The following CSMD1 variants were observed in gnomAD, a reference collection of about 807,000 sequenced individuals.
The protein encoded by CSMD1 is CUB and Sushi multiple domains 1, also known as CUB and sushi domain-containing protein 1.
CSMD1 carries 213 observed loss-of-function variants against 417.5 expected under a neutral mutation model. The observed-to-expected ratio is 0.51, with a 90% CI of 0.46 to 0.57. The LOEUF (loss-of-function observed/expected upper bound fraction) is 0.57. Ranked by LOEUF, CSMD1 falls within the 20% of genes least tolerant of loss-of-function variation. CSMD1 has a pLI of 0.00. For missense variants in CSMD1, 6,923 were observed against 4,529.7 expected (o/e 1.53, Z -15.17); for synonymous variants, 2,862 against 1,736.8 (o/e 1.65, Z -16.11).
At chr8:4,562,296 G>C (rs1050623912) in intron 2 of CSMD1, among the ~76,000 whole-genome samples, 1 of 152,214 alleles carries the variant, frequency 6.6e-6, no homozygotes, top group Non-Finnish European at 1.5e-5. Flanking sequence ...ACCTGCTGGA[G>C]TGGAGGACTC....
Position 3,219,277 on chromosome 8 carries a change from T to G in CSMD1, c.4650A>C (p.Ser1550=), listed in dbSNP as rs1189211134. The part of the protein sequence containing the change: ...AFRSDASVGL[S]GFAIEFKEKP... ...TACCTTTAAATTCAATGGCGAACCC[T>G]GAAAGGCCCACGGAGGCATCACTCC... The change falls in exon 29 of 70, where the codon TCA becomes TCC. Residue 1550 remains serine, a synonymous_variant. Transcript: ENST00000635120. 1 of 1,594,400 alleles carries G rather than the reference T, an allele frequency of 6.3e-7. No homozygotes were observed. The highest frequency in any genetic ancestry group is 1.3e-5 in the African/African-American group (1 of 74,606).
chr8:3,985,932 A>AT (rs1340455940), intron 5 of CSMD1, among the ~76,000 whole-genome samples: 1 of 102,574 alleles, frequency 9.7e-6, no homozygotes, highest in Non-Finnish European at 2.1e-5. Context: ...TGCATAACTC[A>AT]ATTTTTTTTT....
intron 40 of CSMD1, among the ~76,000 whole-genome samples, chr8:3,144,075 C>T (rs77230937): frequency 0.033 from 4,995 of 152,198 alleles, 283 homozygotes; most frequent in African/African-American, 0.11. Flanking sequence ...GTGGGCATCA[C>T]GTAGGGCCAA....
intron 12 of CSMD1, among the ~76,000 whole-genome samples, chr8:3,466,395 A>G (rs1246718363): frequency 1.3e-5 from 2 of 151,080 alleles, no homozygotes; most frequent in Non-Finnish European, 2.9e-5. Context: ...TATATGCTGT[A>G]TATATTTTCT....
rs1460363308 is a variant in CSMD1 at position 4,031,967 on chromosome 8, A to T, written c.548T>A (p.Leu183Gln). The T allele has an allele frequency of 1.8e-5, 29 of 1,613,866 alleles. No homozygotes were observed. The highest frequency in any genetic ancestry group is 2.4e-5 in the Non-Finnish European group (28 of 1,179,886). Residue 183 changes from leucine (L) to glutamine (Q), a missense_variant, in exon 4 of 70, where the codon CTG becomes CAG. Physicochemically the swap from Leu to Gln is moderately radical, Grantham distance 113. Transcript: ENST00000635120. ...PGYILEGHAI[L>Q]TCIVSPGNGA... is the part of the protein sequence containing the mutation. ...ATTTCCTGGGCTGACGATGCAGGTC[A>T]GGATGGCGTGGCCTTCCAAGATGTA...
At chr8:4,304,257 T>A (rs1798131246) in intron 3 of CSMD1, among the ~76,000 whole-genome samples, 1 of 152,178 alleles carries the variant, frequency 6.6e-6, no homozygotes, top group Non-Finnish European at 1.5e-5. Context: ...GCAGGCAAAG[T>A]CAAGGATTTT....
intron 25 of CSMD1, among the ~76,000 whole-genome samples, chr8:3,301,547 G>C (rs1419122038): frequency 6.6e-6 from 1 of 152,184 alleles, no homozygotes; most frequent in Non-Finnish European, 1.5e-5. Context: ...AGCCCTAAGA[G>C]ATGGGAAGAA....
At position 3,343,349 on chromosome 8, in the gene CSMD1, T is replaced by C. The variant is rs1319138436; in HGVS notation, c.3576A>G (p.Leu1192=). The C allele has an allele frequency of 2.5e-6, 4 of 1,613,858 alleles. No homozygotes were observed. Among genetic ancestry groups the C allele is most frequent in the South Asian group, 1.1e-5 (1 of 91,084 alleles). The stretch of plus-strand genomic sequence containing the variant: ...TGTCAGATCCATTGGTGTTGAACTC[T>C]AGCCACAGGTGATTGGATGTGCTGT... ...ILNSTSNHLW[L]EFNTNGSDTD... is the part of the protein sequence containing the mutation. The change falls in exon 23 of 70, where the codon CTA becomes CTG. Residue 1192 remains leucine (L), a synonymous_variant. Transcript: ENST00000635120.
At chr8:4,503,479 A>G (rs1802363285) in intron 2 of CSMD1, among the ~76,000 whole-genome samples, 1 of 152,214 alleles carries the variant, frequency 6.6e-6, no homozygotes, top group Non-Finnish European at 1.5e-5. Context: ...ACTTACCTAT[A>G]CATATTATTA....
chr8:4,274,104 T>G (rs1401129870), intron 3 of CSMD1, among the ~76,000 whole-genome samples: 1 of 152,160 alleles, frequency 6.6e-6, no homozygotes, highest in Non-Finnish European at 1.5e-5. Flanking sequence ...ATGGAACATA[T>G]TAAATAACCC....
intron 10 of CSMD1, among the ~76,000 whole-genome samples, chr8:3,503,853 C>G (rs939934936): frequency 1.3e-5 from 2 of 150,098 alleles, no homozygotes; most frequent in Non-Finnish European, 3.0e-5. Context: ...AACCCCCACA[C>G]TCTTCCTAGC....
At chr8:4,059,244 A>T (rs112868842) in intron 3 of CSMD1, among the ~76,000 whole-genome samples, 3 of 152,100 alleles carry the variant, frequency 2.0e-5, no homozygotes, top group Non-Finnish European at 4.4e-5. Flanking sequence ...TTGAAACCAA[A>T]GAGAAGAAAG....
chr8:3,568,650 T>G (rs1226945250), intron 10 of CSMD1, among the ~76,000 whole-genome samples: 3 of 152,132 alleles, frequency 2.0e-5, no homozygotes, highest in Admixed American at 2.0e-4. Context: ...AACTTTTAAC[T>G]TAGAACACAC....
chr8:4,676,422 G>C (rs982760934), intron 1 of CSMD1, among the ~76,000 whole-genome samples: 1 of 151,970 alleles, frequency 6.6e-6, no homozygotes, highest in Non-Finnish European at 1.5e-5. Flanking sequence ...ACCACTTCTG[G>C]GAGCCTCTGC....
chr8:4,060,909 C>A (rs978394403), intron 3 of CSMD1, among the ~76,000 whole-genome samples: 1 of 152,102 alleles, frequency 6.6e-6, no homozygotes, highest in African/African-American at 2.4e-5. Context: ...AAGCCTGTTT[C>A]CCATTTGCAG....
intron 10 of CSMD1, among the ~76,000 whole-genome samples, chr8:3,572,231 C>T (rs1023163536): frequency 6.6e-6 from 1 of 152,114 alleles, no homozygotes; most frequent in East Asian, 1.9e-4. Flanking sequence ...CCAAGTGGGG[C>T]TGTGTCAAAA....
chr8:3,218,269 A>G (rs1490246613), intron 29 of CSMD1, among the ~76,000 whole-genome samples: 1 of 152,186 alleles, frequency 6.6e-6, no homozygotes, highest in East Asian at 1.9e-4. Flanking sequence ...TTGAGATAAA[A>G]TGAAGTTATT....
At chr8:4,488,063 G>A (rs1464683596) in intron 2 of CSMD1, among the ~76,000 whole-genome samples, 1 of 152,146 alleles carries the variant, frequency 6.6e-6, no homozygotes, top group African/African-American at 2.4e-5. Flanking sequence ...GTCTCTTTCT[G>A]TCTCTGCCAT....
chr8:4,956,118 T>A (rs1258091417), intron 1 of CSMD1, among the ~76,000 whole-genome samples: 1 of 152,182 alleles, frequency 6.6e-6, no homozygotes, highest in African/African-American at 2.4e-5. Flanking sequence ...GAACTGCTAA[T>A]TACTTTCTCG....
Sources: gnomAD v4.1 joint callset for allele counts (sites outside exome capture counted in the v4.1 genomes callset) on GRCh38, gnomAD v4.1.1 for gene constraint, MANE v1.5 for transcripts, NCBI Gene and HGNC (gene_info 2026-07-23, HGNC 2026-07-21) for gene names.